Variants in GYG1 observed in about 807,000 individuals in gnomAD.
GYG1 encodes the protein glycogenin-1.
In GYG1, 44 loss-of-function variants were observed where a neutral mutation model predicts 41.9. The observed-to-expected ratio is 1.05, with a 90% CI of 0.83 to 1.35. The LOEUF (loss-of-function observed/expected upper bound fraction) is 1.35, where lower values mean the gene tolerates loss of function less well. GYG1 is among the 40% of genes most tolerant of loss of function. The pLI, the probability that GYG1 is intolerant of heterozygous loss-of-function variation, is 0.00. For synonymous variants in GYG1, 141 were observed against 158.1 expected (o/e 0.89, Z 0.81); for missense variants, 429 against 418.9 (o/e 1.02, Z -0.21).
At chr3:149,019,210 TTTC>T (rs1021166458) in intron 5 of GYG1, among the ~76,000 whole-genome samples, 16 of 152,210 alleles carry the variant, frequency 1.1e-4, no homozygotes, top group African/African-American at 3.9e-4. Context: ...CCCCAGAATC[TTTC>T]TTACCTCCTC....
chr3:148,998,690 C>T (rs1712939326), intron 4 of GYG1, among the ~76,000 whole-genome samples: 1 of 152,340 alleles, frequency 6.6e-6, no homozygotes, highest in Admixed American at 6.5e-5. Flanking sequence ...TTTTTAGCTC[C>T]TGCTATTTTC....
intron 5 of GYG1, among the ~76,000 whole-genome samples, chr3:149,023,518 G>T (rs1467841931): frequency 6.6e-6 from 1 of 152,142 alleles, no homozygotes; most frequent in Non-Finnish European, 1.5e-5. Flanking sequence ...ACTTTACTAG[G>T]TAATACCAAA....
chr3:149,006,945 C>A (rs918645710), intron 4 of GYG1, among the ~76,000 whole-genome samples: 4 of 152,172 alleles, frequency 2.6e-5, no homozygotes, highest in Non-Finnish European at 4.4e-5. Context: ...GTTCTCATAT[C>A]TGTCCTTTGT....
At chr3:148,997,973 AT>A (rs1288197255) in intron 4 of GYG1, among the ~76,000 whole-genome samples, 10 of 152,378 alleles carry the variant, frequency 6.6e-5, no homozygotes, top group Middle Eastern at 3.4e-3. Context: ...TTGACAAAAG[AT>A]TCAGTCCTGG....
In GYG1 at chr3:149,002,678, T is replaced by C. The variant is rs145077507; in HGVS notation, c.481+5774T>C. Among the ~76,000 whole-genome samples, 94 of 152,282 alleles carry C rather than the reference T, an allele frequency of 6.2e-4. No individual in the cohort carries two copies. In the East Asian group the frequency reaches 0.011, roughly 18 times the overall value. ...ATTTATTAATCCTTAGCATGCTCAC[T>C]ATAGGCAGTAATGATTATATCCACC... On this transcript the variant is annotated intron_variant, in intron 4 of 7. Coordinates refer to ENST00000345003, the MANE Select transcript of GYG1 (RefSeq NM_004130.4).
intron 4 of GYG1, among the ~76,000 whole-genome samples, chr3:149,007,021 T>C (rs1713443454): frequency 1.3e-5 from 2 of 152,260 alleles, no homozygotes; most frequent in African/African-American, 4.8e-5. Flanking sequence ...AACAGAAATA[T>C]ATTTCTCACA....
intron 4 of GYG1, among the ~76,000 whole-genome samples, chr3:148,997,593 C>T (rs959399087): frequency 1.1e-4 from 17 of 152,322 alleles, no homozygotes; most frequent in African/African-American, 3.4e-4. Context: ...AGTGTGCTTT[C>T]GTTTCAGGCC....
chr3:149,029,573 T>C lies in GYG1; in HGVS notation c.*2640T>C, dbSNP rs1159020277. Among the ~76,000 whole-genome samples the C allele has an allele frequency of 1.3e-5, 2 of 152,252 alleles. No individual in the cohort carries two copies. Among genetic ancestry groups the C allele is most frequent in the African/African-American group, 4.8e-5 (2 of 41,466 alleles). On this transcript the variant is annotated 3_prime_UTR_variant, in exon 8 of 8. Transcript: ENST00000345003. Reference sequence around the variant, plus strand: ...AACTTGAGGTTAAACATTTGAGTTTTTGTTAAGAGCCAAACATCAAATGTG... The same window carrying C: ...AACTTGAGGTTAAACATTTGAGTTTCTGTTAAGAGCCAAACATCAAATGTG...
intron 4 of GYG1, chr3:149,004,089 A>G (rs1713260356): frequency 6.6e-6 from 1 of 152,218 alleles, no homozygotes; most frequent in Non-Finnish European, 1.5e-5. Flanking sequence ...GCCGGGTGGA[A>G]GGATGATTCA....
At chr3:149,010,340 T>C (rs1268824935) in intron 5 of GYG1, among the ~76,000 whole-genome samples, 2 of 151,144 alleles carry the variant, frequency 1.3e-5, no homozygotes, top group African/African-American at 4.9e-5. Flanking sequence ...TTTTTTTTTT[T>C]TTTTTGAGAC....
At chr3:148,994,413 G>A in intron 2 of GYG1, 136 bp downstream of exon 2, 3 of 926,190 alleles carry the variant, frequency 3.2e-6, no homozygotes, top group South Asian at 1.3e-5. Flanking sequence ...GATGCTGAGT[G>A]CAGGATTGCT....
Position 149,026,918 on chromosome 3 carries a change from C to T in GYG1, c.1038C>T (p.Asp346=). The T allele has an allele frequency of 1.2e-6, 2 of 1,613,404 alleles. No individual in the cohort carries two copies. The highest frequency in any genetic ancestry group is 1.7e-6 in the Non-Finnish European group (2 of 1,179,306). Residue 346 remains aspartate (D), a synonymous_variant, in exon 8 of 8, where the codon GAC becomes GAT. Coordinates refer to ENST00000345003, the MANE Select transcript of GYG1 (RefSeq NM_004130.4). ...TTGACAACATCAAGAGGAAACTTGA[C>T]ACTTACCTCCAGTAGAAACACTGCA... ...DSFDNIKRKL[D]TYLQ
intron 5 of GYG1, among the ~76,000 whole-genome samples, chr3:149,010,418 C>T (rs528357528): frequency 3.6e-4 from 55 of 150,774 alleles, no homozygotes; most frequent in African/African-American, 1.3e-3. Flanking sequence ...ACCTCCACCT[C>T]CTGGTTCAAG....
chr3:148,991,696 G>A, intron 1 of GYG1, 49 bp downstream of exon 1: 1 of 1,398,322 alleles, frequency 7.2e-7, no homozygotes, highest in Non-Finnish European at 9.7e-7. Flanking sequence ...CCGGCTTCCT[G>A]CCCAGCCGCC....
At chr3:148,994,901 C>G (rs1269043465) in intron 2 of GYG1, among the ~76,000 whole-genome samples, 2 of 152,158 alleles carry the variant, frequency 1.3e-5, no homozygotes, top group East Asian at 3.8e-4. Context: ...AGTATTTGGG[C>G]CAGGTGTGAT....
At chr3:148,996,169 G>A in intron 2 of GYG1, 133 bp from the exon 3 acceptor site, 2 of 743,132 alleles carry the variant, frequency 2.7e-6, no homozygotes, top group South Asian at 3.0e-5. Context: ...AGATTTAAGG[G>A]TACATATTCT....
chr3:149,029,053 T>G lies in GYG1; in HGVS notation c.*2120T>G, dbSNP rs148042514. Among the ~76,000 whole-genome samples the G allele has an allele frequency of 6.6e-6, 1 of 152,160 alleles. No individual in the cohort carries two copies. Among genetic ancestry groups the G allele is most frequent in the African/African-American group, 2.4e-5 (1 of 41,388 alleles). On this transcript the variant is annotated 3_prime_UTR_variant, in exon 8 of 8. Coordinates refer to ENST00000345003, the MANE Select transcript of GYG1 (RefSeq NM_004130.4). ...TTCAAATAAGTAGTGAAGGCTATTA[T>G]TAACTTTTGGAATCAGAAAGAATGA... is the stretch of plus-strand genomic sequence containing the variant.
At chr3:149,006,190 C>T (rs1713396430) in intron 4 of GYG1, among the ~76,000 whole-genome samples, 1 of 147,650 alleles carries the variant, frequency 6.8e-6, no homozygotes, top group South Asian at 2.1e-4. Context: ...TCCAGCTGTT[C>T]TTCTGCCTCA....
intron 4 of GYG1, among the ~76,000 whole-genome samples, chr3:149,006,397 A>G (rs1713408478): frequency 6.6e-6 from 1 of 152,090 alleles, no homozygotes; most frequent in Non-Finnish European, 1.5e-5. Context: ...ATTCTTTTAC[A>G]GCCACAACTA....
Sources: gnomAD v4.1 joint callset for allele counts (sites outside exome capture counted in the v4.1 genomes callset) on GRCh38, gnomAD v4.1.1 for gene constraint, MANE v1.5 for transcripts, NCBI Gene and HGNC (gene_info 2026-07-23, HGNC 2026-07-21) for gene names.